KCND2: variants seen among roughly 807,000 people sequenced by gnomAD.
KCND2 encodes the protein A-type voltage-gated potassium channel KCND2.
A neutral mutation model predicts 54.4 loss-of-function variants in KCND2; 16 were observed. That is an observed-to-expected ratio of 0.29 (90% CI 0.20 to 0.45). The LOEUF is 0.45. Among genes scored for constraint, KCND2 ranks in the 20% least tolerant of loss-of-function variants. The pLI is 1.00. For missense variants in KCND2, 486 were observed against 824.2 expected (o/e 0.59, Z 5.02); for synonymous variants, 317 against 310.7 (o/e 1.02, Z -0.21).
chr7:120,417,255 A>G (rs555432908), intron 1 of KCND2, among the ~76,000 whole-genome samples: 1 of 152,198 alleles, frequency 6.6e-6, no homozygotes. Flanking sequence ...GTTATCACAG[A>G]AAATATTGTG....
At chr7:120,365,722 A>T (rs1800667087) in intron 1 of KCND2, among the ~76,000 whole-genome samples, 1 of 152,126 alleles carries the variant, frequency 6.6e-6, no homozygotes, top group African/African-American at 2.4e-5. Flanking sequence ...AAAGAAGGAA[A>T]CTGAAAGATG....
intron 1 of KCND2, among the ~76,000 whole-genome samples, chr7:120,550,548 G>A (rs1489599402): frequency 6.6e-6 from 1 of 152,118 alleles, no homozygotes; most frequent in African/African-American, 2.4e-5. Context: ...TTTCTAAATA[G>A]TGCTTGATGT....
intron 1 of KCND2, among the ~76,000 whole-genome samples, chr7:120,621,279 A>C (rs1052365831): frequency 3.5e-4 from 30 of 86,574 alleles, no homozygotes; most frequent in Non-Finnish European, 5.7e-4. Context: ...TCCGTCTCAA[A>C]AAAAAAAAAA....
rs1354672531 is a variant in KCND2 at position 120,551,049 on chromosome 7, CA to C, written c.1116-181852del. ...GAACCAACCAATTGGCATTAAAGTT[CA>C]ATATAGCCTCATGGCTTTCTTTTTC... On this transcript the variant is annotated intron_variant, in intron 1 of 5. Coordinates refer to ENST00000331113, the MANE Select transcript of KCND2 (RefSeq NM_012281.3). 1.4e-4 allele frequency among the ~76,000 whole-genome samples: 22 copies of C among 152,128 alleles called. 1 individual carries two copies. The highest frequency in any genetic ancestry group is 1.4e-3 in the Admixed American group (22 of 15,262).
chr7:120,330,717 T>C (rs1800055142), intron 1 of KCND2, among the ~76,000 whole-genome samples: 1 of 151,726 alleles, frequency 6.6e-6, no homozygotes, highest in East Asian at 1.9e-4. Flanking sequence ...CATTAGTCTA[T>C]CAAAGGCAAT....
chr7:120,702,059 A>G (rs1210912683), intron 1 of KCND2, among the ~76,000 whole-genome samples: 2 of 152,222 alleles, frequency 1.3e-5, no homozygotes, highest in African/African-American at 4.8e-5. Context: ...TATGTACCTG[A>G]CAAATGTCTA....
intron 1 of KCND2, among the ~76,000 whole-genome samples, chr7:120,546,035 T>G (rs1341591914): frequency 6.6e-6 from 1 of 151,810 alleles, no homozygotes; most frequent in Non-Finnish European, 1.5e-5. Flanking sequence ...GAAACTTAAA[T>G]TAAAACCTGC....
chr7:120,435,810 T>C (rs1353794924), intron 1 of KCND2, among the ~76,000 whole-genome samples: 1 of 152,088 alleles, frequency 6.6e-6, no homozygotes, highest in Non-Finnish European at 1.5e-5. Context: ...CAATGGAGTA[T>C]GTTTGTTTGT....
intron 1 of KCND2, among the ~76,000 whole-genome samples, chr7:120,637,641 A>G (rs184300673): frequency 7.8e-4 from 119 of 152,230 alleles, no homozygotes; most frequent in African/African-American, 2.5e-3. Flanking sequence ...CCTATTCTGT[A>G]TGTGGATAAG....
chr7:120,603,286 G>T (rs1370639060), intron 1 of KCND2, among the ~76,000 whole-genome samples: 1 of 152,162 alleles, frequency 6.6e-6, no homozygotes, highest in Non-Finnish European at 1.5e-5. Context: ...CAACGCCATA[G>T]GTTCTTTCTA....
At chr7:120,568,398 A>G (rs796887177) in intron 1 of KCND2, among the ~76,000 whole-genome samples, 7 of 152,226 alleles carry the variant, frequency 4.6e-5, no homozygotes, top group African/African-American at 1.7e-4. Context: ...CAAGAAAAAA[A>G]TATCTTCTTG....
intron 1 of KCND2, among the ~76,000 whole-genome samples, chr7:120,710,021 A>T (rs1483396644): frequency 6.6e-6 from 1 of 152,198 alleles, no homozygotes; most frequent in Non-Finnish European, 1.5e-5. Context: ...TAAACCAAGC[A>T]TGAGGCCTTT....
At chr7:120,308,447 G>T (rs566173737) in intron 1 of KCND2, among the ~76,000 whole-genome samples, 1 of 152,034 alleles carries the variant, frequency 6.6e-6, no homozygotes, top group Non-Finnish European at 1.5e-5. Flanking sequence ...GAACTTAGCC[G>T]GATTTTACAA....
intron 1 of KCND2, among the ~76,000 whole-genome samples, chr7:120,620,183 T>G (rs1031696122): frequency 6.6e-6 from 1 of 152,132 alleles, no homozygotes; most frequent in Non-Finnish European, 1.5e-5. Flanking sequence ...TAATGAGTTT[T>G]TTATTTAAAT....
chr7:120,359,589 A>G (rs1291740049), intron 1 of KCND2, among the ~76,000 whole-genome samples: 1 of 152,148 alleles, frequency 6.6e-6, no homozygotes, highest in Admixed American at 6.6e-5. Context: ...AAGAGGAATT[A>G]CCAACTATAA....
At chr7:120,563,205 C>T (rs1792256743) in intron 1 of KCND2, among the ~76,000 whole-genome samples, 3 of 152,058 alleles carry the variant, frequency 2.0e-5, no homozygotes, top group Admixed American at 1.3e-4. Context: ...AAACATTCCC[C>T]CTTTCCATTA....
chr7:120,721,233 A>G (rs1238816685), intron 1 of KCND2, among the ~76,000 whole-genome samples: 1 of 152,168 alleles, frequency 6.6e-6, no homozygotes, highest in Non-Finnish European at 1.5e-5. Flanking sequence ...ATATTCATAC[A>G]GAATTCTGAC....
At chr7:120,423,407 A>G (rs1246542082) in intron 1 of KCND2, among the ~76,000 whole-genome samples, 1 of 152,242 alleles carries the variant, frequency 6.6e-6, no homozygotes, top group Non-Finnish European at 1.5e-5. Context: ...ATTTCATGCA[A>G]GAATTTAGGA....
At chr7:120,334,005 A>T (rs189987294) in intron 1 of KCND2, among the ~76,000 whole-genome samples, 1 of 152,302 alleles carries the variant, frequency 6.6e-6, no homozygotes, top group East Asian at 1.9e-4. Context: ...TTTGTATGCT[A>T]TAGTATAAAG....
Sources: gnomAD v4.1 joint callset for allele counts (sites outside exome capture counted in the v4.1 genomes callset) on GRCh38, gnomAD v4.1.1 for gene constraint, MANE v1.5 for transcripts, NCBI Gene and HGNC (gene_info 2026-07-23, HGNC 2026-07-21) for gene names.